Variants in RBFOX3 observed in about 807,000 individuals in gnomAD.
The protein encoded by RBFOX3 is RNA binding fox-1 homolog 3, also known as RNA binding protein fox-1 homolog 3.
In RBFOX3, 17 loss-of-function variants were observed where a neutral mutation model predicts 48.7. The observed-to-expected ratio is 0.35, with a 90% CI of 0.24 to 0.52. RBFOX3 has a LOEUF of 0.52. RBFOX3 is among the 20% of genes least tolerant of loss of function. RBFOX3 has a pLI of 0.94. For synonymous variants in RBFOX3, 212 were observed against 209.5 expected, an observed-to-expected ratio of 1.01 and a Z score of -0.10; for missense variants, 382 against 497.5, an observed-to-expected ratio of 0.77 and a Z score of 2.21.
At chr17:79,662,302 C>T in the RBFOX3 span, among the ~76,000 whole-genome samples, 1 of 151,432 alleles carries the variant, frequency 6.6e-6, no homozygotes, top group African/African-American at 2.4e-5. Context: ...TTTTGTATTT[C>T]TAGTAGAGAC....
intron 1 of RBFOX3, chr17:79,598,606 A>G (rs2093629503): frequency 6.6e-6 from 1 of 152,082 alleles, no homozygotes; most frequent in Non-Finnish European, 1.5e-5. Flanking sequence ...GAGGAGCATA[A>G]ACAGACCCTT....
chr17:79,334,730 T>C (rs901679481), intron 2 of RBFOX3, among the ~76,000 whole-genome samples: 1 of 152,208 alleles, frequency 6.6e-6, no homozygotes, highest in Admixed American at 6.5e-5. Context: ...CCCACACATC[T>C]TTCCAGCCTC....
intron 1 of RBFOX3, among the ~76,000 whole-genome samples, chr17:79,485,641 A>G (rs1305695793): frequency 6.6e-6 from 1 of 152,002 alleles, no homozygotes; most frequent in Admixed American, 6.5e-5. Flanking sequence ...AGCTCACAGG[A>G]GATTATTTCA....
Position 79,214,802 on chromosome 17 carries a change from T to C in RBFOX3, c.-34+20964A>G, listed in dbSNP as rs1171920766. Among the ~76,000 whole-genome samples, 1 of 152,112 alleles carries C rather than the reference T, an allele frequency of 6.6e-6. No individual in the cohort carries two copies. Among genetic ancestry groups the C allele is most frequent in the African/African-American group, 2.4e-5 (1 of 41,414 alleles). The stretch of plus-strand genomic sequence containing the variant: ...AGGCTTGTTAAATGCACAGACAGGA[T>C]ATTAGCGTTTAAACAGCTTCTATTA... On this transcript the variant is annotated intron_variant, in intron 4 of 14. Coordinates refer to ENST00000693108, the MANE Select transcript of RBFOX3 (RefSeq NM_001350451.2). The surrounding 1 kb of genome is among the most constrained non-coding windows in gnomAD (Gnocchi z 4.7).
At chr17:79,258,327 AT>A (rs1276643526) in intron 3 of RBFOX3, among the ~76,000 whole-genome samples, 1 of 152,182 alleles carries the variant, frequency 6.6e-6, no homozygotes, top group Non-Finnish European at 1.5e-5. Flanking sequence ...TCTGAAACGG[AT>A]TCCCGCTTAA....
At chr17:79,092,614 G>A (rs1052725213) in intron 14 of RBFOX3, 9 of 987,486 alleles carry the variant, frequency 9.1e-6, no homozygotes, top group Admixed American at 6.2e-5. Context: ...GGGGTGAAGC[G>A]GCTGTACCCT....
At chr17:79,302,312 C>A (rs1457953514) in intron 3 of RBFOX3, among the ~76,000 whole-genome samples, 2 of 152,160 alleles carry the variant, frequency 1.3e-5, no homozygotes, top group Non-Finnish European at 2.9e-5. Flanking sequence ...AGTACACGAT[C>A]CAGGATCACT....
At chr17:79,109,214 T>A (rs1457906757) in intron 5 of RBFOX3, among the ~76,000 whole-genome samples, 2 of 152,152 alleles carry the variant, frequency 1.3e-5, no homozygotes, top group African/African-American at 4.8e-5. Context: ...TTGGGCAAGC[T>A]GGGCGGCTGC....
intron 10 of RBFOX3, 29 bp downstream of exon 10, chr17:79,097,663 T>TACCAAACCCCC: frequency 1.4e-6 from 2 of 1,384,060 alleles, no homozygotes; most frequent in Non-Finnish European, 2.0e-6. Context: ...GCTGGTCTCA[T>TACCAAACCCCC]CCCATCCCCG....
chr17:79,379,530 C>T (rs2059627064), intron 2 of RBFOX3, among the ~76,000 whole-genome samples: 1 of 152,182 alleles, frequency 6.6e-6, no homozygotes, highest in South Asian at 2.1e-4. Context: ...CTGTTTTGGT[C>T]AAACACCACT....
Position 79,103,065 on chromosome 17 carries a change from GA to G in RBFOX3, c.507+96del. 1 of 917,974 alleles carries G rather than the reference GA, an allele frequency of 1.1e-6. No homozygotes were observed. Among genetic ancestry groups the G allele is most frequent in the Non-Finnish European group, 1.7e-6 (1 of 582,590 alleles). 56.9% of individuals were successfully genotyped at this position (917,974 alleles called of 1,614,324 possible). A position where few individuals can be genotyped will look rare whatever the true frequency, so the allele number is the denominator to read the frequency against. ...CCAGGGAACCCTGGCCAGGCTCTCTGAAGGGTGCGGCAGTGGCAGGGCTGGT... is the reference window on the plus strand; with the variant it reads ...CCAGGGAACCCTGGCCAGGCTCTCTGAGGGTGCGGCAGTGGCAGGGCTGGT... On this transcript the variant is annotated intron_variant, in intron 8 of 14. Coordinates refer to ENST00000693108, the MANE Select transcript of RBFOX3 (RefSeq NM_001350451.2). This position sits in a 1 kb window ranked among gnomAD's most constrained non-coding sequence, Gnocchi z 6.1.
At chr17:79,122,957 AAGAC>A (rs2036149069) in intron 4 of RBFOX3, among the ~76,000 whole-genome samples, 1 of 152,202 alleles carries the variant, frequency 6.6e-6, no homozygotes, top group African/African-American at 2.4e-5. Flanking sequence ...CAGGCACAGA[AAGAC>A]AAACATCGCA....
In RBFOX3 at chr17:79,378,240, C is replaced by T. The variant is rs76444370; in HGVS notation, c.-174-70416G>A. Among the ~76,000 whole-genome samples the T allele has an allele frequency of 6.9e-3, 1,057 of 152,170 alleles. 13 individuals are homozygous for T. Among genetic ancestry groups the T allele is most frequent in the African/African-American group, 0.024 (985 of 41,524 alleles). ...TCATCACCACTCTGGACACAAAGAACTGAGCCTCTCCCACTGGTCCTAGAA... is the reference window on the plus strand; with the variant it reads ...TCATCACCACTCTGGACACAAAGAATTGAGCCTCTCCCACTGGTCCTAGAA... On this transcript the variant is annotated intron_variant, in intron 2 of 14. Transcript: ENST00000693108.
the RBFOX3 span, among the ~76,000 whole-genome samples, chr17:79,626,030 T>A: frequency 6.6e-6 from 1 of 152,152 alleles, no homozygotes; most frequent in Non-Finnish European, 1.5e-5. Context: ...TGGGAAATAG[T>A]TTATTGAAGT....
At chr17:79,493,675 G>T (rs2081027694) in intron 1 of RBFOX3, among the ~76,000 whole-genome samples, 1 of 152,200 alleles carries the variant, frequency 6.6e-6, no homozygotes, top group Non-Finnish European at 1.5e-5. Context: ...TTCTGTCTCA[G>T]CCATGACCTA....
At chr17:79,276,992 TC>T (rs1473974069) in intron 3 of RBFOX3, among the ~76,000 whole-genome samples, 1 of 152,180 alleles carries the variant, frequency 6.6e-6, no homozygotes, top group African/African-American at 2.4e-5. Context: ...CTGCTATGGC[TC>T]CCAGTGAGCA....
At chr17:79,165,616 G>GC (rs2047835997) in intron 4 of RBFOX3, among the ~76,000 whole-genome samples, 1 of 152,210 alleles carries the variant, frequency 6.6e-6, no homozygotes, top group Admixed American at 6.5e-5. Context: ...TGGCTCCGGA[G>GC]CCCCCTGGAG....
intron 4 of RBFOX3, among the ~76,000 whole-genome samples, chr17:79,218,194 G>A (rs781651147): frequency 6.6e-6 from 1 of 152,040 alleles, no homozygotes; most frequent in Admixed American, 6.5e-5. Context: ...AACAGGAATC[G>A]AGCTGGCGAG....
rs116929781 is a variant in RBFOX3, at chr17:79,362,702, T to C, written c.-174-54878A>G. 0.13 allele frequency among the ~76,000 whole-genome samples: 19,478 copies of C among 152,268 alleles called. 1,753 individuals are homozygous for C. Among genetic ancestry groups the C allele is most frequent in the Non-Finnish European group, 0.2 (13,325 of 68,004 alleles). On this transcript the variant is annotated intron_variant, in intron 2 of 14. Transcript: ENST00000693108. This position sits in a 1 kb window ranked among gnomAD's most constrained non-coding sequence, Gnocchi z 4.2. ...CCAGTTACTGGCACCTCATCTCCAC[T>C]GGCTCTGAGCTGCACAGGCTCATTA... is the stretch of plus-strand genomic sequence containing the variant.
Sources: gnomAD v4.1 joint callset for allele counts (sites outside exome capture counted in the v4.1 genomes callset) on GRCh38, gnomAD v4.1.1 for gene constraint, Gnocchi (gnomAD v3.1) non-coding constraint, MANE v1.5 for transcripts, NCBI Gene and HGNC (gene_info 2026-07-23, HGNC 2026-07-21) for gene names.